The following IFT140 variants were observed in gnomAD, a reference collection of about 807,000 sequenced individuals.
The protein encoded by IFT140 is intraflagellar transport protein 140 homolog.
IFT140 carries 133 observed loss-of-function variants against 164.6 expected under a neutral mutation model. The observed-to-expected ratio is 0.81, with a 90% CI of 0.70 to 0.93. IFT140 has a LOEUF of 0.93. Among genes scored for constraint, IFT140 ranks in the 40% least tolerant of loss-of-function variants. IFT140 has a pLI of 0.00. For synonymous variants in IFT140, 860 were observed against 817.3 expected, an observed-to-expected ratio of 1.05 and a Z score of -0.89; for missense variants, 2,045 against 1,972.3, an observed-to-expected ratio of 1.04 and a Z score of -0.70.
chr16:1,598,879 T>C, intron 4 of IFT140, among the ~76,000 whole-genome samples: 1 of 149,866 alleles, frequency 6.7e-6, no homozygotes, highest in Non-Finnish European at 1.5e-5. Flanking sequence ...CCGCCCATCG[T>C]CTGGGATGTG....
chr16:1,524,387 GT>G, intron 24 of IFT140, 164 bp downstream of exon 24: 1 of 849,902 alleles, frequency 1.2e-6, no homozygotes, highest in Non-Finnish European at 1.8e-6. Context: ...GCGGCCAGGG[GT>G]GGGCAGAGGG....
chr16:1,583,728 G>A (rs1313774945), intron 11 of IFT140, among the ~76,000 whole-genome samples: 1 of 151,372 alleles, frequency 6.6e-6, no homozygotes, highest in Non-Finnish European at 1.5e-5. Context: ...TACATGGCAG[G>A]TGTATATATT....
chr16:1,541,933 T>C (rs569958410), intron 19 of IFT140: 1 of 1,604,436 alleles, frequency 6.2e-7, no homozygotes, highest in Non-Finnish European at 8.5e-7. Flanking sequence ...CAGTTCGACA[T>C]GATGCGCGCC....
chr16:1,597,680 T>C (rs1168041163), intron 4 of IFT140, among the ~76,000 whole-genome samples: 1 of 152,236 alleles, frequency 6.6e-6, no homozygotes, highest in Admixed American at 6.5e-5. Context: ...TAGATTTTCT[T>C]AGAAGGATTA....
intron 19 of IFT140, among the ~76,000 whole-genome samples, chr16:1,539,059 C>T (rs1405830722): frequency 3.3e-5 from 5 of 152,044 alleles, no homozygotes; most frequent in African/African-American, 1.2e-4. Flanking sequence ...GGCCCCACGC[C>T]TCAGGCCTCA....
chr16:1,568,386 T>G, intron 14 of IFT140, 52 bp from the exon 15 acceptor site: 1 of 1,409,382 alleles, frequency 7.1e-7, no homozygotes, highest in Non-Finnish European at 1.0e-6. Context: ...AGTTCCCAAT[T>G]CTCCGCCCAC....
chr16:1,520,562 C>T, intron 27 of IFT140, 40 bp downstream of exon 27: 3 of 1,532,566 alleles, frequency 2.0e-6, no homozygotes, highest in Non-Finnish European at 2.6e-6. Flanking sequence ...AGCCTAACTG[C>T]CTGTGAGGTA....
At position 1,510,560 on chromosome 16, in the gene IFT140, T is replaced by C. The variant is rs2040104902; in HGVS notation, c.*384A>G. On this transcript the variant is annotated 3_prime_UTR_variant, in exon 31 of 31. Transcript: ENST00000426508. ...AGGAGCCGTGGGCCCTGCAGGAGTATGGGGAGGATATGATGTGTGGGGAGC... is the reference window on the plus strand; with the variant it reads ...AGGAGCCGTGGGCCCTGCAGGAGTACGGGGAGGATATGATGTGTGGGGAGC... 2.0e-5 allele frequency: 6 copies of C among 306,146 alleles called. No homozygotes were observed. In the East Asian group the frequency reaches 4.9e-4, roughly 25 times the overall value. 19.0% of individuals were successfully genotyped at this position (306,146 alleles called of 1,614,324 possible).
At position 1,564,001 on chromosome 16, in the gene IFT140, G is replaced by A; in HGVS notation, c.2063C>T (p.Pro688Leu). ...AATACAACAGGCAGAGCGTACCGCAGGGCCAGCGCGCCCATCTTGGGGCTG... is the reference window on the plus strand; with the variant it reads ...AATACAACAGGCAGAGCGTACCGCAAGGCCAGCGCGCCCATCTTGGGGCTG... ...NGQPQDGRAG[P>L]AADVLILSFF... The change falls in exon 17 of 31, where the codon CCT becomes CTT. Residue 688 changes from proline to leucine, a missense_variant. Physicochemically the swap from Pro to Leu is moderately conservative, Grantham distance 98. Coordinates refer to ENST00000426508, the MANE Select transcript of IFT140 (RefSeq NM_014714.4). This position sits in a 1 kb window ranked among gnomAD's most constrained non-coding sequence, Gnocchi z 5.5. 6.3e-7 allele frequency: 1 copy of A among 1,577,130 alleles called. No homozygotes were observed. Among genetic ancestry groups the A allele is most frequent in the South Asian group, 1.1e-5 (1 of 88,664 alleles).
intron 14 of IFT140, among the ~76,000 whole-genome samples, chr16:1,569,242 T>G (rs1438545334): frequency 1.3e-5 from 2 of 151,890 alleles, no homozygotes; most frequent in Non-Finnish European, 2.9e-5. Context: ...CTCCTTGACC[T>G]CGTGATCCGC....
At chr16:1,608,498 T>C (rs1432035248) in intron 2 of IFT140, among the ~76,000 whole-genome samples, 1 of 151,890 alleles carries the variant, frequency 6.6e-6, no homozygotes, top group African/African-American at 2.4e-5. Flanking sequence ...CCAGGTGTGG[T>C]GGCAGGCACC....
intron 2 of IFT140, among the ~76,000 whole-genome samples, chr16:1,608,153 C>G (rs9937922): frequency 0.44 from 67,064 of 152,026 alleles, 16,535 homozygotes; most frequent in African/African-American, 0.67. Flanking sequence ...AGCTTGATCA[C>G]TTACGTGAAC....
chr16:1,582,490 C>T (rs1018871679), intron 12 of IFT140, among the ~76,000 whole-genome samples: 1 of 152,244 alleles, frequency 6.6e-6, no homozygotes, highest in Non-Finnish European at 1.5e-5. Flanking sequence ...GGACCTCTGG[C>T]CTCCAGAACT....
chr16:1,573,260 G>A (rs2034112161), intron 13 of IFT140, among the ~76,000 whole-genome samples: 1 of 152,188 alleles, frequency 6.6e-6, no homozygotes, highest in Admixed American at 6.5e-5. Context: ...GAGCGGACTA[G>A]CTGATGGGGC....
rs993654959 is a variant in IFT140, at chr16:1,510,601, C to G, written c.*343G>C. On this transcript the variant is annotated 3_prime_UTR_variant, in exon 31 of 31. Coordinates refer to ENST00000426508, the MANE Select transcript of IFT140 (RefSeq NM_014714.4). ...TGTGGGGAGCAGGGGGGCAGGTGCC[C>G]CAGCCCTCCAGCTGCAGCTTCCTGA... is the stretch of plus-strand genomic sequence containing the variant. The G allele has an allele frequency of 7.8e-6, 3 of 386,418 alleles. No homozygotes were observed. Among genetic ancestry groups the G allele is most frequent in the Admixed American group, 4.5e-5 (1 of 22,052 alleles). The allele number at this position is 386,418 out of a possible 1,614,324, so 23.9% of individuals were successfully genotyped here.
rs116101766 is a variant in IFT140, at chr16:1,537,214, C to T, written c.2400-10418G>A. On this transcript the variant is annotated intron_variant, in intron 19 of 30. Transcript: ENST00000426508. ...GGGAAGACAACGTCACACCGCGTGC[C>T]TCCTCACGCAGGCCAGGGAAGACAA... Among the ~76,000 whole-genome samples, 972 of 151,598 alleles carry T rather than the reference C, an allele frequency of 6.4e-3. 6 individuals carry two copies. The highest frequency in any genetic ancestry group is 0.022 in the African/African-American group (929 of 41,494).
chr16:1,585,620 T>A (rs1288341232), intron 10 of IFT140, among the ~76,000 whole-genome samples: 1 of 152,208 alleles, frequency 6.6e-6, no homozygotes, highest in Non-Finnish European at 1.5e-5. Context: ...AGATACATAT[T>A]ATAACTAATA....
In IFT140 at chr16:1,607,271, G is replaced by A. The variant is rs1341254472; in HGVS notation, c.-5C>T. The stretch of plus-strand genomic sequence containing the variant: ...GTGGTCATAATAGAGGGCCATGACG[G>A]AACTCAGGCCTCCTCAGCGCTGAAA... On this transcript the variant is annotated 5_prime_UTR_variant, in exon 3 of 31. Transcript: ENST00000426508. The A allele has an allele frequency of 1.2e-6, 2 of 1,612,288 alleles. No individual in the cohort carries two copies. The highest frequency in any genetic ancestry group is 1.3e-5 in the African/African-American group (1 of 74,930).
chr16:1,513,638 G>A (rs561535890), intron 30 of IFT140, among the ~76,000 whole-genome samples: 57 of 152,086 alleles, frequency 3.7e-4, no homozygotes, highest in South Asian at 1.7e-3. Flanking sequence ...GGAGTGGGTG[G>A]CACTGGGCAG....
Sources: gnomAD v4.1 joint callset for allele counts (sites outside exome capture counted in the v4.1 genomes callset) on GRCh38, gnomAD v4.1.1 for gene constraint, Gnocchi (gnomAD v3.1) non-coding constraint, MANE v1.5 for transcripts, NCBI Gene and HGNC (gene_info 2026-07-23, HGNC 2026-07-21) for gene names.